Variants in TIMM9 observed in about 807,000 individuals in gnomAD.
The protein encoded by TIMM9 is mitochondrial import inner membrane translocase subunit Tim9.
TIMM9 carries 10 observed loss-of-function variants against 13.4 expected under a neutral mutation model. That is an observed-to-expected ratio of 0.75 (90% CI 0.46 to 1.26). The LOEUF is 1.26. Among genes scored for constraint, TIMM9 ranks in the 50% most tolerant of loss-of-function variants. The pLI is 0.00. For missense variants in TIMM9, 87 were observed against 100.8 expected (o/e 0.86, Z 0.58); for synonymous variants, 32 against 32.1 (o/e 1.00, Z 0.01).
At chr14:58,416,999 T>C (rs1350508408) in intron 3 of TIMM9, among the ~76,000 whole-genome samples, 2 of 152,234 alleles carry the variant, frequency 1.3e-5, no homozygotes, top group East Asian at 3.9e-4. Context: ...TGGGAGGTAA[T>C]TGAATCATGG....
At chr14:58,421,332 T>C (rs1417554107) in intron 3 of TIMM9, among the ~76,000 whole-genome samples, 2 of 152,014 alleles carry the variant, frequency 1.3e-5, no homozygotes, top group African/African-American at 4.8e-5. Context: ...TTGCCAAGGG[T>C]TAAGGAATGG....
chr14:58,425,148 C>T (rs970879342), intron 2 of TIMM9, among the ~76,000 whole-genome samples: 1 of 151,766 alleles, frequency 6.6e-6, no homozygotes, highest in South Asian at 2.1e-4. Flanking sequence ...TGATGGTTCA[C>T]GCCTGTAATC....
chr14:58,422,777 TTTTA>T (rs776588918), intron 3 of TIMM9, among the ~76,000 whole-genome samples: 85 of 152,214 alleles, frequency 5.6e-4, no homozygotes, highest in Non-Finnish European at 1.0e-3. Flanking sequence ...CAATTGTGTA[TTTTA>T]TTTATTTATT....
intron 3 of TIMM9, among the ~76,000 whole-genome samples, chr14:58,415,820 T>C (rs559651291): frequency 9.2e-4 from 140 of 152,028 alleles, no homozygotes; most frequent in Admixed American, 3.7e-3. Context: ...CTCCCCAAGT[T>C]TGGCAAAAGA....
chr14:58,426,195 C>A, intron 2 of TIMM9, among the ~76,000 whole-genome samples: 1 of 151,868 alleles, frequency 6.6e-6, no homozygotes, highest in Non-Finnish European at 1.5e-5. Flanking sequence ...TAACGCTGAG[C>A]CCTTAAAGTC....
chr14:58,412,400 A>G (rs1366924496), intron 3 of TIMM9, among the ~76,000 whole-genome samples: 1 of 152,172 alleles, frequency 6.6e-6, no homozygotes, highest in Admixed American at 6.5e-5. Flanking sequence ...TCGGCTTCCC[A>G]AAGTGCTGGG....
chr14:58,421,883 T>C lies in TIMM9; in HGVS notation c.-27+2125A>G, dbSNP rs1196830306. Among the ~76,000 whole-genome samples, 6 of 152,168 alleles carry C rather than the reference T, an allele frequency of 3.9e-5. No homozygotes were observed. The East Asian group carries it at 1.2e-3, about 29-fold the overall frequency. On this transcript the variant is annotated intron_variant, in intron 3 of 5. Coordinates refer to ENST00000395159, the MANE Select transcript of TIMM9 (RefSeq NM_012460.4). The stretch of plus-strand genomic sequence containing the variant: ...AAAGGTCATCTACTAGACCTGAGCC[T>C]TTTGAATTGTCGAATAAGGACAGTA...
rs773491452 is a variant in TIMM9, at chr14:58,409,175, A to G, written c.136-7T>C. 6.2e-7 allele frequency: 1 copy of G among 1,610,488 alleles called. No individual in the cohort carries two copies. Reference sequence around the variant, plus strand: ...AATGTTCTGAACAGGTGGTCTAGGAATGAAAAGGGAAGATCCAAGAGGCAA... The same window carrying G: ...AATGTTCTGAACAGGTGGTCTAGGAGTGAAAAGGGAAGATCCAAGAGGCAA... On this transcript the variant is annotated splice_region_variant and splice_polypyrimidine_tract_variant and intron_variant, in intron 5 of 5. Coordinates refer to ENST00000395159, the MANE Select transcript of TIMM9 (RefSeq NM_012460.4).
At position 58,422,358 on chromosome 14, in the gene TIMM9, C is replaced by T. The variant is rs2036613156; in HGVS notation, c.-27+1650G>A. Among the ~76,000 whole-genome samples the T allele has an allele frequency of 2.0e-5, 3 of 152,144 alleles. No homozygotes were observed. The South Asian group carries it at 6.2e-4, about 32-fold the overall frequency. On this transcript the variant is annotated intron_variant, in intron 3 of 5. Transcript: ENST00000395159. ...CTTAAACTCCCGACCTCAGGTGATCCTCCTGCCTCGGCCTCCCAAAGTGCT... is the reference window on the plus strand; with the variant it reads ...CTTAAACTCCCGACCTCAGGTGATCTTCCTGCCTCGGCCTCCCAAAGTGCT...
At chr14:58,420,284 A>G (rs1306892226) in intron 3 of TIMM9, among the ~76,000 whole-genome samples, 1 of 152,248 alleles carries the variant, frequency 6.6e-6, no homozygotes, top group Non-Finnish European at 1.5e-5. Context: ...GCTACAGACC[A>G]GGAGGAAATA....
chr14:58,415,664 G>C (rs910234815), intron 3 of TIMM9, among the ~76,000 whole-genome samples: 3 of 152,112 alleles, frequency 2.0e-5, no homozygotes, highest in African/African-American at 7.2e-5. Flanking sequence ...CTGAATTACA[G>C]AGAAAAACAG....
chr14:58,422,072 T>C (rs1218388441), intron 3 of TIMM9, among the ~76,000 whole-genome samples: 4 of 152,090 alleles, frequency 2.6e-5, no homozygotes, highest in South Asian at 2.1e-4. Context: ...TTCTTATTTA[T>C]TGACTTATCA....
At chr14:58,421,347 G>C (rs1157878805) in intron 3 of TIMM9, among the ~76,000 whole-genome samples, 2 of 152,182 alleles carry the variant, frequency 1.3e-5, no homozygotes, top group Non-Finnish European at 2.9e-5. Context: ...GAATGGATGA[G>C]GGAAGGAGTA....
intron 5 of TIMM9, among the ~76,000 whole-genome samples, chr14:58,410,409 C>A (rs1452211396): frequency 6.6e-6 from 1 of 150,860 alleles, no homozygotes; most frequent in Non-Finnish European, 1.5e-5. Context: ...CAGAGCGAGA[C>A]CCTGTCTTAA....
intron 3 of TIMM9, among the ~76,000 whole-genome samples, chr14:58,415,226 G>A (rs993513867): frequency 6.6e-6 from 1 of 152,084 alleles, no homozygotes; most frequent in African/African-American, 2.4e-5. Flanking sequence ...TTCCCCTCAT[G>A]GAGCATTGTC....
At chr14:58,421,405 A>G (rs2036584641) in intron 3 of TIMM9, among the ~76,000 whole-genome samples, 1 of 152,192 alleles carries the variant, frequency 6.6e-6, no homozygotes, top group African/African-American at 2.4e-5. Context: ...GACCTTTGTA[A>G]TAGAAATATT....
At chr14:58,414,036 A>AAAAG (rs398025244) in intron 3 of TIMM9, among the ~76,000 whole-genome samples, 74 of 144,302 alleles carry the variant, frequency 5.1e-4, no homozygotes, top group East Asian at 8.1e-4. Context: ...AAAAAAAAAA[A>AAAAG]GGTTTGTATA....
chr14:58,416,599 C>A (rs1375901650), intron 3 of TIMM9, among the ~76,000 whole-genome samples: 1 of 152,138 alleles, frequency 6.6e-6, no homozygotes, highest in African/African-American at 2.4e-5. Flanking sequence ...AGGAGGAAAA[C>A]ACAGTAATAG....
chr14:58,419,455 A>T (rs879934379), intron 3 of TIMM9, among the ~76,000 whole-genome samples: 811 of 37,490 alleles, frequency 0.022, 6 homozygotes, highest in Non-Finnish European at 0.027. Flanking sequence ...ACCCCGTCAC[A>T]CACACACACA....
Sources: allele counts gnomAD v4.1 joint callset (sites outside exome capture counted in the v4.1 genomes callset), GRCh38; gene constraint gnomAD v4.1.1; transcripts MANE v1.5; gene names NCBI Gene and HGNC (gene_info 2026-07-23, HGNC 2026-07-21).